The following IDE variants were observed in gnomAD, a reference collection of about 807,000 sequenced individuals.
The protein encoded by IDE is insulin degrading enzyme, also known as insulin-degrading enzyme.
A neutral mutation model predicts 133.2 loss-of-function variants in IDE; 58 were observed. The ratio of observed to expected loss-of-function variants is 0.44; its 90% CI spans 0.35 to 0.54. The LOEUF (loss-of-function observed/expected upper bound fraction) is 0.54, where lower values mean the gene tolerates loss of function less well. Ranked by LOEUF, IDE falls within the 20% of genes least tolerant of loss-of-function variation. IDE has a pLI of 0.00. For missense variants in IDE, 981 were observed against 1,234.0 expected, an observed-to-expected ratio of 0.79 and a Z score of 3.07; for synonymous variants, 396 against 421.3, an observed-to-expected ratio of 0.94 and a Z score of 0.73.
rs755229563 is a variant in IDE, at chr10:92,465,668, C to A, written c.2488+8G>T. On this transcript the variant is annotated splice_region_variant and intron_variant, in intron 20 of 24. Coordinates refer to ENST00000265986, the MANE Select transcript of IDE (RefSeq NM_004969.4). Reference sequence around the variant, plus strand: ...CAGTACCCTGCTATTTCCCCACTTTCCTCTCACCCAACTGCTCCTTGGTGC... The same window carrying A: ...CAGTACCCTGCTATTTCCCCACTTTACTCTCACCCAACTGCTCCTTGGTGC... 1.9e-6 allele frequency: 3 copies of A among 1,607,180 alleles called. No individual in the cohort carries two copies. The Admixed American group carries it at 5.0e-5, about 27-fold the overall frequency.
chr10:92,473,973 T>A (rs1460097250), intron 17 of IDE, among the ~76,000 whole-genome samples: 1 of 151,822 alleles, frequency 6.6e-6, no homozygotes, highest in South Asian at 2.1e-4. Context: ...CAGAGCAGAC[T>A]CCGTCTTTAA....
intron 1 of IDE, chr10:92,559,091 G>A (rs151252796): frequency 6.6e-6 from 1 of 152,246 alleles, no homozygotes; most frequent in Non-Finnish European, 1.5e-5. Flanking sequence ...ATACCCACCA[G>A]GATGGCTTAT....
At chr10:92,562,533 AT>A (rs1175584632) in intron 1 of IDE, among the ~76,000 whole-genome samples, 1 of 152,174 alleles carries the variant, frequency 6.6e-6, no homozygotes, top group African/African-American at 2.4e-5. Context: ...AGAATAAGGC[AT>A]TTTTTTCAAC....
At chr10:92,510,642 A>T (rs1349588392) in intron 5 of IDE, among the ~76,000 whole-genome samples, 5 of 151,436 alleles carry the variant, frequency 3.3e-5, no homozygotes, top group Admixed American at 2.6e-4. Flanking sequence ...TATATATATC[A>T]CATATATGAT....
Position 92,453,214 on chromosome 10 carries a change from T to C in IDE, c.*1230A>G, listed in dbSNP as rs1844831327. The C allele has an allele frequency of 6.6e-6, 1 of 152,210 alleles. No homozygotes were observed. Among genetic ancestry groups the C allele is most frequent in the Admixed American group, 6.6e-5 (1 of 15,264 alleles). 9.4% of individuals were successfully genotyped at this position (152,210 alleles called of 1,614,324 possible). A position where few individuals can be genotyped will look rare whatever the true frequency, so the allele number is the denominator to read the frequency against. On this transcript the variant is annotated 3_prime_UTR_variant, in exon 25 of 25. Transcript: ENST00000265986. ...TCACAATTTCTCTTGAAGCAAGTTT[T>C]AATAACAGTAAATATTTCAAAACAG... is the stretch of plus-strand genomic sequence containing the variant.
intron 11 of IDE, among the ~76,000 whole-genome samples, chr10:92,500,015 T>G (rs895602963): frequency 3.9e-5 from 6 of 152,138 alleles, no homozygotes; most frequent in Non-Finnish European, 7.4e-5. Flanking sequence ...ATCAACTGAC[T>G]GGCCGGGTGC....
At chr10:92,535,380 G>A (rs1841945076) in intron 2 of IDE, among the ~76,000 whole-genome samples, 1 of 152,188 alleles carries the variant, frequency 6.6e-6, no homozygotes, top group African/African-American at 2.4e-5. Flanking sequence ...TGGGATTATA[G>A]GCTTGAGCCA....
chr10:92,499,722 T>G (rs905483258), intron 11 of IDE, among the ~76,000 whole-genome samples: 2 of 152,198 alleles, frequency 1.3e-5, no homozygotes, highest in African/African-American at 2.4e-5. Context: ...TGAACCACTG[T>G]GCACGGTCAA....
chr10:92,556,955 T>C (rs1843041664), intron 1 of IDE, among the ~76,000 whole-genome samples: 1 of 151,688 alleles, frequency 6.6e-6, no homozygotes, highest in South Asian at 2.1e-4. Context: ...TGCATAAATT[T>C]AACAAAAGAA....
chr10:92,543,785 T>G (rs1203716181), intron 1 of IDE, among the ~76,000 whole-genome samples: 4 of 152,242 alleles, frequency 2.6e-5, no homozygotes, highest in Non-Finnish European at 5.9e-5. Context: ...CAGAACACTT[T>G]ATAGAAACGT....
intron 1 of IDE, among the ~76,000 whole-genome samples, chr10:92,563,061 GCCAACATGGTGAAACCACGT>G (rs951908633): frequency 1.3e-5 from 2 of 152,140 alleles, no homozygotes; most frequent in African/African-American, 4.8e-5. Context: ...GACCAGCCTG[GCCAACATGGTGAAACCACGT>G]CTCTACTAAA....
At chr10:92,568,553 C>T (rs146021788) in intron 1 of IDE, among the ~76,000 whole-genome samples, 3,181 of 152,246 alleles carry the variant, frequency 0.021, 49 homozygotes, top group Admixed American at 0.052. Context: ...CGGTGGCCCA[C>T]GCCTGTAATC....
chr10:92,511,934 T>C (rs959747473), intron 5 of IDE, among the ~76,000 whole-genome samples: 3 of 152,184 alleles, frequency 2.0e-5, no homozygotes, highest in African/African-American at 7.2e-5. Context: ...CTACCAGGTG[T>C]ATCTTTCCTC....
At chr10:92,500,901 C>A (rs187808635) in intron 11 of IDE, among the ~76,000 whole-genome samples, 1 of 151,766 alleles carries the variant, frequency 6.6e-6, no homozygotes, top group South Asian at 2.1e-4. Flanking sequence ...ATTAGCTGGG[C>A]GTGGTGGCAT....
At chr10:92,483,432 ATAGT>A (rs1846741625) in intron 13 of IDE, 95 bp from the exon 14 acceptor site, 7 of 707,304 alleles carry the variant, frequency 9.9e-6, no homozygotes, top group Admixed American at 4.6e-5. Flanking sequence ...GACAGAAGCA[ATAGT>A]TAGAGTTTTG....
intron 1 of IDE, among the ~76,000 whole-genome samples, chr10:92,569,561 G>A (rs191505503): frequency 1.3e-5 from 2 of 152,232 alleles, no homozygotes; most frequent in Admixed American, 6.5e-5. Context: ...GAAAGACTCA[G>A]GAGGATTGGG....
At chr10:92,477,541 T>G (rs890997856) in intron 15 of IDE, among the ~76,000 whole-genome samples, 1 of 152,204 alleles carries the variant, frequency 6.6e-6, no homozygotes, top group Non-Finnish European at 1.5e-5. Context: ...TATTTCCACA[T>G]GGTGGCACGC....
In IDE at chr10:92,485,340, C is replaced by T. The variant is rs374405624; in HGVS notation, c.1656+1856G>A. ...TTCACCATTTTGGTCAGGCTGGTCT[C>T]GAACTCCTGACCTCATGATCCACTC... On this transcript the variant is annotated intron_variant, in intron 13 of 24. Coordinates refer to ENST00000265986, the MANE Select transcript of IDE (RefSeq NM_004969.4). 3.9e-5 allele frequency among the ~76,000 whole-genome samples: 6 copies of T among 151,960 alleles called. 1 individual carries two copies. Among genetic ancestry groups the T allele is most frequent in the East Asian group, 3.9e-4 (2 of 5,166 alleles).
chr10:92,469,819 G>C (rs1015789332), intron 18 of IDE, among the ~76,000 whole-genome samples: 45 of 151,988 alleles, frequency 3.0e-4, no homozygotes, highest in African/African-American at 9.9e-4. Context: ...ACATGACGTA[G>C]GTGCTACTGT....
Sources: gnomAD v4.1 joint callset for allele counts (sites outside exome capture counted in the v4.1 genomes callset) on GRCh38, gnomAD v4.1.1 for gene constraint, MANE v1.5 for transcripts, NCBI Gene and HGNC (gene_info 2026-07-23, HGNC 2026-07-21) for gene names.